DNAH12: variants seen among roughly 807,000 people sequenced by gnomAD.
DNAH12 encodes axonemal beta dynein heavy chain 12.
In DNAH12, 285 loss-of-function variants were observed where a neutral mutation model predicts 371.5. That is an observed-to-expected ratio of 0.77 (90% CI 0.70 to 0.85). DNAH12 has a LOEUF of 0.85. DNAH12 is among the 40% of genes least tolerant of loss of function. DNAH12 has a pLI of 0.00. For synonymous variants in DNAH12, 1,200 were observed against 1,213.0 expected (o/e 0.99, Z 0.22); for missense variants, 3,611 against 3,689.4 (o/e 0.98, Z 0.55).
intron 11 of DNAH12, chr3:57,498,291 G>A: frequency 1.8e-6 from 1 of 569,260 alleles, no homozygotes; most frequent in Non-Finnish European, 3.1e-6. Context: ...ATTGTAAATG[G>A]TATAACAACT....
intron 23 of DNAH12, among the ~76,000 whole-genome samples, chr3:57,454,189 C>T (rs938716491): frequency 2.6e-5 from 4 of 151,976 alleles, no homozygotes; most frequent in Non-Finnish European, 5.9e-5. Context: ...ATATTAAGAA[C>T]AAGTTCTCAG....
intron 18 of DNAH12, 67 bp downstream of exon 18, chr3:57,462,622 AC>A (rs2066088012): frequency 6.7e-7 from 1 of 1,498,890 alleles, no homozygotes; most frequent in South Asian, 1.4e-5. Flanking sequence ...TTCAACCCCA[AC>A]AAAAACTATG....
At chr3:57,434,371 C>G (rs528782968) in intron 30 of DNAH12, among the ~76,000 whole-genome samples, 1 of 152,120 alleles carries the variant, frequency 6.6e-6, no homozygotes, top group African/African-American at 2.4e-5. Context: ...CTAGCATGGC[C>G]GTGACCCACA....
At chr3:57,479,608 CA>C (rs1236577307) in intron 13 of DNAH12, among the ~76,000 whole-genome samples, 1 of 152,186 alleles carries the variant, frequency 6.6e-6, no homozygotes, top group African/African-American at 2.4e-5. Flanking sequence ...CCCAAATCAA[CA>C]GAATATACAT....
rs12053975 is a variant in DNAH12 at position 57,352,120 on chromosome 3, C to G, written c.9639G>C (p.Leu3213=). 0.23 allele frequency: 355,420 copies of G among 1,527,738 alleles called. 45,039 individuals carry two copies. Among genetic ancestry groups the G allele is most frequent in the East Asian group, 0.42 (16,672 of 39,922 alleles). The allele number at this position is 1,527,738 out of a possible 1,614,324, so 94.6% of individuals were successfully genotyped here. ...TGGCACATAATAAAAAGGAAAATAA[C>G]AGCTTGTCCTTCTCAAATAGTGATC... is the stretch of plus-strand genomic sequence containing the variant. ...ICRSLFEKDK[L]LFSFLLCANL... is the part of the protein sequence containing the mutation. The change falls in exon 60 of 74, where the codon CTG becomes CTC. Residue 3213 remains leucine (L), a synonymous_variant. Transcript: ENST00000495027.
At chr3:57,377,959 G>A (rs957964736) in intron 52 of DNAH12, among the ~76,000 whole-genome samples, 1 of 152,126 alleles carries the variant, frequency 6.6e-6, no homozygotes, top group Non-Finnish European at 1.5e-5. Context: ...AAATTGCTGT[G>A]AATGAAGCTG....
At chr3:57,399,762 GA>G (rs2063818409) in intron 43 of DNAH12, among the ~76,000 whole-genome samples, 2 of 152,118 alleles carry the variant, frequency 1.3e-5, no homozygotes, top group African/African-American at 2.4e-5. Context: ...CCAACATGAA[GA>G]TCGTGAGGAT....
At chr3:57,474,715 T>C (rs994704603) in intron 13 of DNAH12, among the ~76,000 whole-genome samples, 56 of 152,112 alleles carry the variant, frequency 3.7e-4, no homozygotes, top group Admixed American at 1.2e-3. Context: ...TCCCAACACT[T>C]TGGGAGGCCA....
At chr3:57,462,506 C>T (rs1287057389) in intron 18 of DNAH12, among the ~76,000 whole-genome samples, 184 bp downstream of exon 18, 1 of 152,086 alleles carries the variant, frequency 6.6e-6, no homozygotes, top group Non-Finnish European at 1.5e-5. Context: ...CATGTCTCGG[C>T]CTCCCACAGT....
At position 57,489,519 on chromosome 3, in the gene DNAH12, C is replaced by A; in HGVS notation, c.1504G>T (p.Glu502Ter). 3 of 1,509,290 alleles carry A rather than the reference C, an allele frequency of 2.0e-6. No individual in the cohort carries two copies. Among genetic ancestry groups the A allele is most frequent in the Non-Finnish European group, 2.6e-6 (3 of 1,134,698 alleles). 93.5% of individuals were successfully genotyped at this position (1,509,290 alleles called of 1,614,324 possible). A position where few individuals can be genotyped will look rare whatever the true frequency, so the allele number is the denominator to read the frequency against. ...LNDIASKYRK[E>*]NECICSEFEA... is the part of the protein sequence containing the mutation. ...ATTAATTCTACTTACCATTCATTTT[C>A]TTTTCTATATTTTGAAGCTATGTCA... Residue 502 changes from glutamate to a stop codon, truncating the protein, a stop_gained, in exon 12 of 74, where the codon GAA becomes TAA. Transcript: ENST00000495027. LOFTEE classifies it high-confidence loss of function.
intron 66 of DNAH12, among the ~76,000 whole-genome samples, chr3:57,312,629 C>A (rs2061604915): frequency 1.3e-5 from 2 of 152,298 alleles, no homozygotes; most frequent in Non-Finnish European, 2.9e-5. Context: ...AGGTTGATGA[C>A]ATCAGAAGCT....
At chr3:57,386,201 G>A (rs2063497114) in intron 47 of DNAH12, among the ~76,000 whole-genome samples, 4 of 152,050 alleles carry the variant, frequency 2.6e-5, no homozygotes, top group Admixed American at 2.6e-4. Context: ...ATATATTTGA[G>A]TCTGTGTGAT....
chr3:57,415,307 A>T, intron 38 of DNAH12, 119 bp downstream of exon 38: 1 of 1,349,698 alleles, frequency 7.4e-7, no homozygotes, highest in Non-Finnish European at 9.9e-7. Flanking sequence ...CTCCCCAAAC[A>T]TTTGAAAGTT....
At chr3:57,523,907 T>C in intron 2 of DNAH12, 23 bp from the exon 3 acceptor site, 1 of 1,508,154 alleles carries the variant, frequency 6.6e-7, no homozygotes, top group Non-Finnish European at 9.1e-7. Flanking sequence ...GTTAGAAATA[T>C]GACTCTCTTG....
At chr3:57,545,787 A>C (rs551629475), upstream of DNAH12, among the ~76,000 whole-genome samples, 1 of 152,248 alleles carries the variant, frequency 6.6e-6, no homozygotes, top group South Asian at 2.1e-4. Context: ...CCACAGATAG[A>C]AAAATCTCCA....
chr3:57,297,185 A>C, intron 70 of DNAH12: 1 of 572,194 alleles, frequency 1.7e-6, no homozygotes, highest in East Asian at 2.9e-5. Context: ...ACTCAGAACA[A>C]TTTGAGCATT....
intron 13 of DNAH12, among the ~76,000 whole-genome samples, chr3:57,477,100 T>C (rs1248739252): frequency 6.6e-6 from 1 of 152,116 alleles, no homozygotes; most frequent in Non-Finnish European, 1.5e-5. Context: ...TGCAGCGCAC[T>C]GAGCATGAGC....
At chr3:57,368,730 G>A (rs1267967848) in intron 55 of DNAH12, among the ~76,000 whole-genome samples, 2 of 152,106 alleles carry the variant, frequency 1.3e-5, no homozygotes, top group African/African-American at 4.8e-5. Flanking sequence ...CCAAGTTTAG[G>A]GTGGTATATA....
At chr3:57,546,237 T>A (rs1441654749), upstream of DNAH12, among the ~76,000 whole-genome samples, 1 of 152,074 alleles carries the variant, frequency 6.6e-6, no homozygotes, top group Non-Finnish European at 1.5e-5. Context: ...CCCATTCAGG[T>A]CCCCCTCTCT....
Sources: allele counts gnomAD v4.1 joint callset (sites outside exome capture counted in the v4.1 genomes callset), GRCh38; gene constraint gnomAD v4.1.1; transcripts MANE v1.5; gene names NCBI Gene and HGNC (gene_info 2026-07-23, HGNC 2026-07-21).